The following SHANK2 variants were observed in gnomAD, a reference collection of about 807,000 sequenced individuals.
SHANK2 encodes SH3 and multiple ankyrin repeat domains 2, also known as SH3 and multiple ankyrin repeat domains protein 2.
Under a neutral mutation model 133.7 loss-of-function variants are expected in SHANK2, and 43 were observed. The ratio of observed to expected loss-of-function variants is 0.32; its 90% CI spans 0.25 to 0.41. SHANK2 has a LOEUF of 0.41. Among genes scored for constraint, SHANK2 ranks in the 10% least tolerant of loss-of-function variants. The pLI, the probability that SHANK2 is intolerant of heterozygous loss-of-function variation, is 1.00. For missense variants in SHANK2, 1,994 were observed against 2,235.8 expected (o/e 0.89, Z 2.18); for synonymous variants, 1,017 against 952.8 (o/e 1.07, Z -1.24).
intron 2 of SHANK2, among the ~76,000 whole-genome samples, chr11:71,152,325 G>A (rs1428290282): frequency 8.5e-5 from 13 of 152,174 alleles, no homozygotes; most frequent in Non-Finnish European, 1.5e-4. Context: ...TGTTGGCCAG[G>A]CTGGTCTCAA....
intron 17 of SHANK2, among the ~76,000 whole-genome samples, chr11:70,560,012 C>T (rs1489742756): frequency 3.3e-5 from 5 of 152,182 alleles, no homozygotes; most frequent in East Asian, 3.9e-4. Flanking sequence ...GCTGGGATTA[C>T]GGGCACACAC....
intron 11 of SHANK2, among the ~76,000 whole-genome samples, chr11:70,870,017 A>C (rs1949432964): frequency 6.6e-6 from 1 of 152,130 alleles, no homozygotes; most frequent in Non-Finnish European, 1.5e-5. Context: ...CTTAACTGGA[A>C]ATGGGTCATT....
At position 71,215,090 on chromosome 11, in the gene SHANK2, G is replaced by A. The variant is rs138797659; in HGVS notation, c.-13+9607C>T. On this transcript the variant is annotated intron_variant, in intron 2 of 25. Transcript: ENST00000601538. ...CCAGCCATTCTCCCACAGCCCACACGCTCACACCATCAGGCAGGCATGCCC... is the reference window on the plus strand; with the variant it reads ...CCAGCCATTCTCCCACAGCCCACACACTCACACCATCAGGCAGGCATGCCC... Among the ~76,000 whole-genome samples the A allele has an allele frequency of 2.9e-3, 448 of 152,248 alleles. 5 individuals are homozygous for A. Among genetic ancestry groups the A allele is most frequent in the African/African-American group, 0.01 (431 of 41,546 alleles).
chr11:70,856,717 C>A (rs539059275), intron 11 of SHANK2, among the ~76,000 whole-genome samples: 1 of 152,244 alleles, frequency 6.6e-6, no homozygotes, highest in South Asian at 2.1e-4. Context: ...CACCAACAGC[C>A]TTATGAGGGA....
intron 17 of SHANK2, among the ~76,000 whole-genome samples, chr11:70,582,322 A>C (rs1265627641): frequency 2.6e-5 from 4 of 152,236 alleles, no homozygotes; most frequent in Non-Finnish European, 5.9e-5. Flanking sequence ...TGCTGACTGA[A>C]TGCCGTGGAG....
In SHANK2 at chr11:70,667,108, C is replaced by T. The variant is rs782620965; in HGVS notation, c.1854-5430G>A. ...ACGGCACAGGTACTAATGGTAATTT[C>T]GTCACAGAGGGAAGAAAAACGTCTT... On this transcript the variant is annotated intron_variant, in intron 15 of 25. Transcript: ENST00000601538. Among the ~76,000 whole-genome samples, 43 of 152,180 alleles carry T rather than the reference C, an allele frequency of 2.8e-4. No homozygotes were observed. In the South Asian group the frequency reaches 3.1e-3, roughly 11 times the overall value.
intron 17 of SHANK2, among the ~76,000 whole-genome samples, chr11:70,514,230 C>A (rs1351398578): frequency 1.3e-5 from 2 of 152,134 alleles, no homozygotes; most frequent in Admixed American, 1.3e-4. Flanking sequence ...GACGGCGGAA[C>A]AACATCTTTA....
chr11:71,159,941 C>T (rs111302156), intron 2 of SHANK2, among the ~76,000 whole-genome samples: 40 of 142,378 alleles, frequency 2.8e-4, no homozygotes, highest in African/African-American at 1.1e-3. Context: ...GAGCCTAGAT[C>T]GTGCCACTGC....
At chr11:70,722,480 C>T (rs996293465) in intron 14 of SHANK2, among the ~76,000 whole-genome samples, 1 of 152,240 alleles carries the variant, frequency 6.6e-6, no homozygotes, top group African/African-American at 2.4e-5. Context: ...ATTCAATCCC[C>T]TCTGTTTGAA....
At chr11:71,202,140 G>C (rs114412670) in intron 2 of SHANK2, among the ~76,000 whole-genome samples, 3,268 of 152,318 alleles carry the variant, frequency 0.021, 115 homozygotes, top group African/African-American at 0.074. Context: ...GAGGGTGCAA[G>C]GTGCACAAAC....
At chr11:70,810,956 C>A (rs1555053072) in intron 12 of SHANK2, among the ~76,000 whole-genome samples, 1 of 152,146 alleles carries the variant, frequency 6.6e-6, no homozygotes, top group Non-Finnish European at 1.5e-5. Context: ...ATGCATTAGG[C>A]CCCATCAGGA....
intron 11 of SHANK2, among the ~76,000 whole-genome samples, chr11:70,854,954 G>T (rs915238274): frequency 1.3e-5 from 2 of 152,190 alleles, no homozygotes; most frequent in African/African-American, 4.8e-5. Flanking sequence ...CCAGATCACG[G>T]TTCACCCACG....
intron 17 of SHANK2, among the ~76,000 whole-genome samples, chr11:70,514,522 T>G (rs2059242638): frequency 6.6e-6 from 1 of 152,240 alleles, no homozygotes; most frequent in African/African-American, 2.4e-5. Context: ...AAAATAATAC[T>G]GATTTTGGGG....
chr11:71,176,468 CA>C (rs782100061), intron 2 of SHANK2, among the ~76,000 whole-genome samples: 1 of 152,058 alleles, frequency 6.6e-6, no homozygotes, highest in Non-Finnish European at 1.5e-5. Context: ...ACAAAGCATT[CA>C]AATCATATTA....
chr11:71,112,411 C>A (rs1951903868), intron 5 of SHANK2, among the ~76,000 whole-genome samples: 1 of 152,120 alleles, frequency 6.6e-6, no homozygotes, highest in Non-Finnish European at 1.5e-5. Context: ...AAAAAAGAAT[C>A]CTTGCATGCA....
At chr11:70,712,714 C>G (rs1328932741) in intron 14 of SHANK2, among the ~76,000 whole-genome samples, 1 of 152,214 alleles carries the variant, frequency 6.6e-6, no homozygotes, top group East Asian at 1.9e-4. Flanking sequence ...GCCGCCAGCA[C>G]GATGGTTCCT....
At chr11:71,094,427 C>T (rs1021039808) in intron 7 of SHANK2, 110 bp downstream of exon 7, 36 of 1,101,808 alleles carry the variant, frequency 3.3e-5, no homozygotes, top group African/African-American at 1.1e-4. Context: ...TAGGGTGGGC[C>T]GGAACACTGT....
At chr11:70,752,244 A>G (rs1458640074) in intron 14 of SHANK2, among the ~76,000 whole-genome samples, 1 of 152,138 alleles carries the variant, frequency 6.6e-6, no homozygotes, top group Non-Finnish European at 1.5e-5. Flanking sequence ...AACCAATGAC[A>G]TGCAGTCTAT....
intron 20 of SHANK2, among the ~76,000 whole-genome samples, chr11:70,501,128 C>T (rs1228190884): frequency 2.6e-5 from 4 of 152,132 alleles, no homozygotes; most frequent in Non-Finnish European, 4.4e-5. Context: ...GGCTGGGGCA[C>T]GCGGGGCACT....
Sources: allele counts gnomAD v4.1 joint callset (sites outside exome capture counted in the v4.1 genomes callset), GRCh38; gene constraint gnomAD v4.1.1; transcripts MANE v1.5; gene names NCBI Gene and HGNC (gene_info 2026-07-23, HGNC 2026-07-21).